ZNF239: variants seen among roughly 807,000 people sequenced by gnomAD.
The protein encoded by ZNF239 is zinc finger protein 239.
ZNF239 carries 16 observed loss-of-function variants against 27.5 expected under a neutral mutation model. The ratio of observed to expected loss-of-function variants is 0.58; its 90% CI spans 0.39 to 0.88. The LOEUF (loss-of-function observed/expected upper bound fraction) is 0.88, where lower values mean the gene tolerates loss of function less well. Among genes scored for constraint, ZNF239 ranks in the 40% least tolerant of loss-of-function variants. The pLI is 0.00. For synonymous variants in ZNF239, 199 were observed against 192.6 expected (o/e 1.03, Z -0.27); for missense variants, 527 against 551.9 (o/e 0.95, Z 0.45).
chr10:43,559,004 T>A (rs1837018729), intron 3 of ZNF239, among the ~76,000 whole-genome samples: 1 of 151,944 alleles, frequency 6.6e-6, no homozygotes, highest in Non-Finnish European at 1.5e-5. Context: ...TTTAGGAAGA[T>A]TTCTGGGAGA....
intron 2 of ZNF239, chr10:43,568,386 C>T (rs1483723082): frequency 1.0e-6 from 1 of 985,342 alleles, no homozygotes; most frequent in African/African-American, 1.7e-5. Context: ...TCTGACCTCA[C>T]ATTTCTTAAT....
intron 3 of ZNF239, among the ~76,000 whole-genome samples, chr10:43,562,676 A>G (rs772926310): frequency 6.6e-6 from 1 of 152,258 alleles, no homozygotes; most frequent in Non-Finnish European, 1.5e-5. Context: ...ATGGAGCAGC[A>G]GAGTCAGGAA....
Position 43,570,806 on chromosome 10 carries a change from G to A in ZNF239, c.-215-2785C>T, listed in dbSNP as rs150614195. Reference sequence around the variant, plus strand: ...ATTTTTGTCATCTTCCAGTCCCTAGGTTAGACAACCAGAGTTATTAATTTT... The same window carrying A: ...ATTTTTGTCATCTTCCAGTCCCTAGATTAGACAACCAGAGTTATTAATTTT... On this transcript the variant is annotated intron_variant, in intron 2 of 3. Transcript: ENST00000374446. 5.4e-4 allele frequency: 524 copies of A among 973,568 alleles called. 1 individual carries two copies. The highest frequency in any genetic ancestry group is 6.1e-4 in the Non-Finnish European group (500 of 819,386). The allele number at this position is 973,568 out of a possible 1,614,324, so 60.3% of individuals were successfully genotyped here.
intron 2 of ZNF239, among the ~76,000 whole-genome samples, chr10:43,571,151 T>C (rs1358491216): frequency 5.9e-5 from 9 of 151,570 alleles, no homozygotes; most frequent in Admixed American, 5.9e-4. Context: ...AAGAGGAAGG[T>C]CACAAGTTCA....
chr10:43,566,417 C>T (rs2132281680), intron 3 of ZNF239, among the ~76,000 whole-genome samples: 1 of 152,158 alleles, frequency 6.6e-6, no homozygotes, highest in African/African-American at 2.4e-5. Context: ...TCCTGAGTAG[C>T]TGGGATTACA....
intron 2 of ZNF239, chr10:43,570,210 A>G (rs1479511200): frequency 1.0e-6 from 1 of 985,274 alleles, no homozygotes; most frequent in Non-Finnish European, 1.2e-6. Flanking sequence ...GAGGGTAAAG[A>G]TGAAGGTAAG....
At chr10:43,569,704 TG>T (rs1282204528) in intron 2 of ZNF239, among the ~76,000 whole-genome samples, 1 of 152,236 alleles carries the variant, frequency 6.6e-6, no homozygotes, top group Non-Finnish European at 1.5e-5. Flanking sequence ...TTATAACTTA[TG>T]CCTTACCTTA....
chr10:43,563,311 G>T (rs1419819212), intron 3 of ZNF239, among the ~76,000 whole-genome samples: 1 of 151,826 alleles, frequency 6.6e-6, no homozygotes, highest in African/African-American at 2.4e-5. Flanking sequence ...GTGAGCCTTC[G>T]TCTAAAAGAA....
intron 3 of ZNF239, among the ~76,000 whole-genome samples, chr10:43,560,130 TTAGAAA>T (rs1837116566): frequency 6.6e-6 from 1 of 152,196 alleles, no homozygotes; most frequent in Non-Finnish European, 1.5e-5. Context: ...CCTCTTCCTC[TTAGAAA>T]TAGAAATATT....
At chr10:43,574,118 C>T (rs913002059) in intron 1 of ZNF239, among the ~76,000 whole-genome samples, 1 of 152,350 alleles carries the variant, frequency 6.6e-6, no homozygotes, top group South Asian at 2.1e-4. Context: ...GTGCTGCGGA[C>T]AGAAACCTCA....
chr10:43,557,231 G>A lies in ZNF239; in HGVS notation c.849C>T (p.Ala283=), dbSNP rs534077175. The A allele has an allele frequency of 3.7e-6, 6 of 1,612,666 alleles. No individual in the cohort carries two copies. In the African/African-American group the frequency reaches 4.0e-5, roughly 11 times the overall value. ...TRSSSLLIHH[A]VHTGEKPYKC... Reference sequence around the variant, plus strand: ...TATAAGGTTTTTCGCCTGTATGGACGGCATGATGGATGAGCAGACTTGAGC... The same window carrying A: ...TATAAGGTTTTTCGCCTGTATGGACAGCATGATGGATGAGCAGACTTGAGC... Residue 283 remains alanine (A), a synonymous_variant, in exon 4 of 4, where the codon GCC becomes GCT. Transcript: ENST00000374446.
At chr10:43,570,034 AAAAGT>A (rs1837932487) in intron 2 of ZNF239, 1 of 351,398 alleles carries the variant, frequency 2.8e-6, no homozygotes, top group African/African-American at 2.2e-5. Flanking sequence ...GCACAATTTC[AAAAGT>A]AAAGTGATAG....
At chr10:43,561,385 G>C (rs2132251191) in intron 3 of ZNF239, among the ~76,000 whole-genome samples, 1 of 151,714 alleles carries the variant, frequency 6.6e-6, no homozygotes, top group Non-Finnish European at 1.5e-5. Context: ...AATGCTAAAA[G>C]CTTCCAAACA....
intron 2 of ZNF239, among the ~76,000 whole-genome samples, chr10:43,572,776 C>T (rs969487306): frequency 6.6e-6 from 1 of 152,140 alleles, no homozygotes; most frequent in Non-Finnish European, 1.5e-5. Context: ...TTTGAGGTAA[C>T]CTCCTACAGA....
intron 2 of ZNF239, among the ~76,000 whole-genome samples, chr10:43,572,385 G>A (rs1337879538): frequency 6.6e-6 from 1 of 152,172 alleles, no homozygotes; most frequent in Non-Finnish European, 1.5e-5. Context: ...CCTCTAAACA[G>A]ATTTTTTCTA....
At chr10:43,568,054 C>A in intron 2 of ZNF239, 33 bp from the exon 3 acceptor site, 1 of 985,868 alleles carries the variant, frequency 1.0e-6, no homozygotes, top group South Asian at 4.7e-5. Context: ...CCTCAACAAA[C>A]AACCATCTGC....
At chr10:43,561,854 A>G (rs1288677898) in intron 3 of ZNF239, among the ~76,000 whole-genome samples, 1 of 152,170 alleles carries the variant, frequency 6.6e-6, no homozygotes, top group Non-Finnish European at 1.5e-5. Flanking sequence ...CCCCAAAACC[A>G]TAGTTGAAAA....
At chr10:43,562,660 T>C (rs1837339037) in intron 3 of ZNF239, among the ~76,000 whole-genome samples, 1 of 152,224 alleles carries the variant, frequency 6.6e-6, no homozygotes, top group Admixed American at 6.5e-5. Flanking sequence ...AGCCACACTG[T>C]GGCTGATGGA....
At chr10:43,573,038 TG>T (rs985603496) in intron 2 of ZNF239, among the ~76,000 whole-genome samples, 12 of 152,314 alleles carry the variant, frequency 7.9e-5, no homozygotes, top group African/African-American at 2.9e-4. Context: ...TCACTAGGTC[TG>T]GAAGAGAGAA....
Sources: allele counts gnomAD v4.1 joint callset (sites outside exome capture counted in the v4.1 genomes callset), GRCh38; gene constraint gnomAD v4.1.1; transcripts MANE v1.5; gene names NCBI Gene and HGNC (gene_info 2026-07-23, HGNC 2026-07-21).